Variants in DPP6 observed in about 807,000 individuals in gnomAD.
DPP6 encodes the protein A-type potassium channel modulatory protein DPP6.
DPP6 carries 69 observed loss-of-function variants against 122.6 expected under a neutral mutation model. The observed-to-expected ratio is 0.56, with a 90% CI of 0.46 to 0.69. The LOEUF is 0.69. DPP6 is among the 30% of genes least tolerant of loss of function. DPP6 has a pLI of 0.00. For missense variants in DPP6, 928 were observed against 1,116.9 expected (o/e 0.83, Z 2.41); for synonymous variants, 418 against 433.1 (o/e 0.97, Z 0.43).
chr7:153,893,700 T>C (rs1345649758), intron 1 of DPP6, among the ~76,000 whole-genome samples: 1 of 152,206 alleles, frequency 6.6e-6, no homozygotes, highest in Non-Finnish European at 1.5e-5. Context: ...TCAAATAAAA[T>C]ATAGAGAGCA....
At chr7:154,707,367 A>G (rs1398728302) in intron 7 of DPP6, among the ~76,000 whole-genome samples, 1 of 152,234 alleles carries the variant, frequency 6.6e-6, no homozygotes, top group East Asian at 1.9e-4. Flanking sequence ...CAGAGCAGTT[A>G]AATGATTTTT....
chr7:154,690,583 T>A (rs1173861857), intron 7 of DPP6, among the ~76,000 whole-genome samples: 2 of 151,954 alleles, frequency 1.3e-5, no homozygotes, highest in African/African-American at 2.4e-5. Flanking sequence ...AGAGGAATGA[T>A]CCCACCAGCT....
chr7:153,843,206 GCA>G, the DPP6 span, among the ~76,000 whole-genome samples: 131 of 151,496 alleles, frequency 8.6e-4, 1 homozygote, highest in Middle Eastern at 0.017. Flanking sequence ...ACACACACGT[GCA>G]CACACACAAA....
intron 23 of DPP6, 128 bp from the exon 24 acceptor site, chr7:154,889,143 TC>T: frequency 7.1e-7 from 1 of 1,413,026 alleles, no homozygotes; most frequent in African/African-American, 1.4e-5. Flanking sequence ...ATATAAGGCA[TC>T]CCGGTTCTCC....
rs188003514 is a variant in DPP6, at chr7:154,877,921, C to T, written c.2078+1821C>T. ...GGGTGGGTGGCTGCTGGGTCAGCAG[C>T]GGGCAGTGCCAGCCACAGAGGACTC... On this transcript the variant is annotated intron_variant, in intron 20 of 25. Transcript: ENST00000377770. This position sits in a 1 kb window ranked among gnomAD's most constrained non-coding sequence, Gnocchi z 5.2. 6.6e-5 allele frequency among the ~76,000 whole-genome samples: 10 copies of T among 152,314 alleles called. No individual in the cohort carries two copies. Among genetic ancestry groups the T allele is most frequent in the East Asian group, 1.9e-4 (1 of 5,172 alleles).
intron 1 of DPP6, among the ~76,000 whole-genome samples, chr7:154,438,187 G>T (rs1349346885): frequency 6.6e-6 from 1 of 151,984 alleles, no homozygotes; most frequent in Non-Finnish European, 1.5e-5. Flanking sequence ...TCTCCTAAAG[G>T]CTGGGCACTG....
intron 1 of DPP6, among the ~76,000 whole-genome samples, chr7:154,429,688 C>T (rs907869263): frequency 1.1e-4 from 17 of 152,106 alleles, no homozygotes; most frequent in Non-Finnish European, 4.4e-5. Context: ...GTGCCCGCCT[C>T]GGAATGGCTA....
intron 1 of DPP6, among the ~76,000 whole-genome samples, chr7:154,442,456 G>A (rs1819463976): frequency 6.6e-6 from 1 of 152,118 alleles, no homozygotes; most frequent in Non-Finnish European, 1.5e-5. Flanking sequence ...TAGCTGATAA[G>A]TAAAGAATGC....
the DPP6 span, among the ~76,000 whole-genome samples, chr7:153,837,841 T>TTTTTTTTTTG: frequency 7.4e-6 from 1 of 135,674 alleles, no homozygotes; most frequent in African/African-American, 2.9e-5. Context: ...TGGTTAATTT[T>TTTTTTTTTTG]TTTTTTTTTT....
At chr7:154,170,399 T>C (rs555995203) in intron 1 of DPP6, among the ~76,000 whole-genome samples, 1 of 152,310 alleles carries the variant, frequency 6.6e-6, no homozygotes, top group East Asian at 1.9e-4. Flanking sequence ...TTGGACATGA[T>C]GATTGACACT....
At chr7:153,881,385 G>A in the DPP6 span, among the ~76,000 whole-genome samples, 117 of 152,314 alleles carry the variant, frequency 7.7e-4, 2 homozygotes, top group African/African-American at 2.6e-3. Context: ...TGGTTGCAAA[G>A]GGTCAGTGGG....
chr7:154,541,041 T>C (rs1828685125), intron 4 of DPP6, among the ~76,000 whole-genome samples: 2 of 152,342 alleles, frequency 1.3e-5, no homozygotes, highest in African/African-American at 4.8e-5. Context: ...CTTACCCTAA[T>C]TATATTAAGT....
intron 8 of DPP6, among the ~76,000 whole-genome samples, chr7:154,745,926 A>T (rs367589682): frequency 6.6e-6 from 1 of 152,018 alleles, no homozygotes; most frequent in Admixed American, 6.5e-5. Context: ...CACCTCCAAC[A>T]TTGGGGATCA....
Position 154,002,601 on chromosome 7 carries a change from T to A in DPP6, c.51+114867T>A, listed in dbSNP as rs575143339. Among the ~76,000 whole-genome samples, 17 of 152,254 alleles carry A rather than the reference T, an allele frequency of 1.1e-4. 1 individual carries two copies. The South Asian group carries it at 3.3e-3, about 30-fold the overall frequency. On this transcript the variant is annotated intron_variant, in intron 1 of 25. Coordinates refer to the DPP6 transcript ENST00000404039. ...CAGTGAGTGCAGATAGGAGATGGAA[T>A]ATGGGTGGATCTAGATGGATAGAGT... is the stretch of plus-strand genomic sequence containing the variant.
chr7:153,792,794 T>A, the DPP6 span, among the ~76,000 whole-genome samples: 1 of 151,778 alleles, frequency 6.6e-6, no homozygotes, highest in Non-Finnish European at 1.5e-5. Flanking sequence ...AGAAGTCCCA[T>A]GTGTTGTGGG....
chr7:153,812,635 G>T, the DPP6 span, among the ~76,000 whole-genome samples: 1 of 152,172 alleles, frequency 6.6e-6, no homozygotes, highest in South Asian at 2.1e-4. Flanking sequence ...ACGACTTCCT[G>T]TCTGCTGGAC....
At chr7:154,265,781 A>G (rs1266946581) in intron 1 of DPP6, among the ~76,000 whole-genome samples, 1 of 152,180 alleles carries the variant, frequency 6.6e-6, no homozygotes, top group East Asian at 1.9e-4. Flanking sequence ...TCTTTTTAAA[A>G]AAATATACAA....
intron 1 of DPP6, among the ~76,000 whole-genome samples, chr7:153,917,229 C>T (rs1481365371): frequency 6.6e-6 from 1 of 152,190 alleles, no homozygotes; most frequent in Non-Finnish European, 1.5e-5. Context: ...GAGATGAGCA[C>T]TTCCTGCCCC....
In DPP6 at chr7:154,060,700, T is replaced by G. The variant is rs1444668296; in HGVS notation, c.243+7637T>G. Among the ~76,000 whole-genome samples the G allele has an allele frequency of 2.6e-3, 328 of 128,364 alleles. 1 individual carries two copies. The highest frequency in any genetic ancestry group is 3.8e-3 in the Non-Finnish European group (225 of 59,282). The allele number at this position is 128,364 out of a possible 152,430, so 84.2% of individuals were successfully genotyped here. A position where few individuals can be genotyped will look rare whatever the true frequency, so the allele number is the denominator to read the frequency against. Reference sequence around the variant, plus strand: ...TATCCCCTCTTCCGCCCCTGGCTGTTAGTACCCCCATCGCAGGGGGGGAGG... The same window carrying G: ...TATCCCCTCTTCCGCCCCTGGCTGTGAGTACCCCCATCGCAGGGGGGGAGG... On this transcript the variant is annotated intron_variant, in intron 1 of 25. Transcript: ENST00000377770.
Sources: gnomAD v4.1 joint callset for allele counts (sites outside exome capture counted in the v4.1 genomes callset) on GRCh38, gnomAD v4.1.1 for gene constraint, Gnocchi (gnomAD v3.1) non-coding constraint, MANE v1.5 for transcripts, NCBI Gene and HGNC (gene_info 2026-07-23, HGNC 2026-07-21) for gene names.